The following MED13L variants were observed in gnomAD, a reference collection of about 807,000 sequenced individuals.
MED13L encodes mediator complex subunit 13L.
In MED13L, 7 loss-of-function variants were observed where a neutral mutation model predicts 220.9. That is an observed-to-expected ratio of 0.03 (90% CI 0.02 to 0.06). The LOEUF is 0.06. MED13L is among the 10% of genes least tolerant of loss of function. The pLI is 1.00. For synonymous variants in MED13L, 1,011 were observed against 1,015.2 expected, an observed-to-expected ratio of 1.00 and a Z score of 0.08; for missense variants, 1,965 against 2,760.5, an observed-to-expected ratio of 0.71 and a Z score of 6.46.
chr12:116,007,302 T>C, intron 11 of MED13L, 109 bp downstream of exon 11: 1 of 976,762 alleles, frequency 1.0e-6, no homozygotes, highest in Admixed American at 1.8e-5. Context: ...GACAGAGCAA[T>C]CAGGCAAGAC....
intron 3 of MED13L, among the ~76,000 whole-genome samples, chr12:116,106,951 G>A (rs1390276645): frequency 6.6e-6 from 1 of 151,986 alleles, no homozygotes; most frequent in Non-Finnish European, 1.5e-5. Flanking sequence ...ACTCTGAAAA[G>A]GTAATACCAA....
At chr12:116,250,025 T>TAAAAAA (rs71095516) in intron 1 of MED13L, among the ~76,000 whole-genome samples, 477 of 40,418 alleles carry the variant, frequency 0.012, 2 homozygotes, top group Middle Eastern at 0.031. Context: ...CAGCATAAAC[T>TAAAAAA]AAAAAAAAAA....
intron 2 of MED13L, among the ~76,000 whole-genome samples, chr12:116,147,895 A>T (rs894435921): frequency 2.0e-5 from 3 of 151,432 alleles, no homozygotes; most frequent in African/African-American, 7.3e-5. Flanking sequence ...TTTAACAAAA[A>T]AATTAGCCGG....
At chr12:116,225,615 G>A (rs1460084420) in intron 2 of MED13L, among the ~76,000 whole-genome samples, 1 of 152,148 alleles carries the variant, frequency 6.6e-6, no homozygotes, top group Non-Finnish European at 1.5e-5. Context: ...ATTTAACTGA[G>A]AGTATCGAAA....
At chr12:116,108,999 C>T (rs1873840226) in intron 3 of MED13L, among the ~76,000 whole-genome samples, 1 of 150,824 alleles carries the variant, frequency 6.6e-6, no homozygotes, top group Non-Finnish European at 1.5e-5. Context: ...TGAAATGAAG[C>T]CAAGGAATAA....
intron 3 of MED13L, among the ~76,000 whole-genome samples, chr12:116,106,419 G>A (rs530098877): frequency 2.2e-4 from 33 of 152,186 alleles, no homozygotes; most frequent in African/African-American, 7.0e-4. Context: ...CAGAGTTAAC[G>A]AAGAAATGAA....
intron 4 of MED13L, among the ~76,000 whole-genome samples, chr12:116,075,982 C>T (rs1394562366): frequency 6.7e-6 from 1 of 148,696 alleles, no homozygotes; most frequent in African/African-American, 2.5e-5. Flanking sequence ...GGCGCGATCT[C>T]GGCTCACTGC....
chr12:116,200,839 A>G (rs1173027474), intron 2 of MED13L, among the ~76,000 whole-genome samples: 1 of 152,236 alleles, frequency 6.6e-6, no homozygotes, highest in African/African-American at 2.4e-5. Flanking sequence ...AGAGAGGTAG[A>G]GAATATCATA....
intron 2 of MED13L, among the ~76,000 whole-genome samples, chr12:116,193,068 G>A (rs1381469545): frequency 6.6e-6 from 1 of 152,146 alleles, no homozygotes; most frequent in African/African-American, 2.4e-5. Flanking sequence ...GCGGAGGTTC[G>A]CAGTGAGCCG....
At chr12:116,147,406 T>C (rs1877615687) in intron 2 of MED13L, among the ~76,000 whole-genome samples, 1 of 152,224 alleles carries the variant, frequency 6.6e-6, no homozygotes, top group Non-Finnish European at 1.5e-5. Context: ...CCAGACAGTT[T>C]TATAGTATCA....
intron 4 of MED13L, among the ~76,000 whole-genome samples, chr12:116,072,455 T>C (rs961121295): frequency 3.3e-5 from 5 of 152,094 alleles, no homozygotes; most frequent in Non-Finnish European, 5.9e-5. Context: ...ATACAGTTTT[T>C]GTTTTTTGTT....
Position 115,991,176 on chromosome 12 carries a change from T to A in MED13L, c.3778A>T (p.Ser1260Cys). 1 of 1,614,130 alleles carries A rather than the reference T, an allele frequency of 6.2e-7. No individual in the cohort carries two copies. ...TTATCTGCTTGCACCCGGTCATAAC[T>A]CCAGCTTACACAGGGAAGAGTTTGG... The part of the protein sequence containing the change: ...NRQTLPCVSW[S>C]YDRVQADNND... Residue 1260 changes from serine to cysteine, a missense_variant, in exon 17 of 31, where the codon AGT (serine) becomes TGT (cysteine). By Grantham distance (112) the Ser-to-Cys change is moderately radical (BLOSUM62 -1). Coordinates refer to ENST00000281928, the MANE Select transcript of MED13L (RefSeq NM_015335.5). The surrounding 1 kb of genome is among the most constrained non-coding windows in gnomAD (Gnocchi z 7.7).
intron 2 of MED13L, among the ~76,000 whole-genome samples, chr12:116,217,751 C>A (rs1883088960): frequency 2.0e-5 from 3 of 152,082 alleles, no homozygotes; most frequent in Admixed American, 2.0e-4. Flanking sequence ...CAGTGAATGC[C>A]CAATACCTAA....
At chr12:116,120,442 C>CTT (rs1874951154) in intron 2 of MED13L, among the ~76,000 whole-genome samples, 1 of 64,502 alleles carries the variant, frequency 1.6e-5, no homozygotes, top group South Asian at 7.3e-4. Flanking sequence ...ATCTCTCTTT[C>CTT]TCTCTCTCTC....
intron 3 of MED13L, among the ~76,000 whole-genome samples, chr12:116,104,254 C>A (rs1267635959): frequency 6.6e-6 from 1 of 152,024 alleles, no homozygotes; most frequent in African/African-American, 2.4e-5. Context: ...AGGTGATCCA[C>A]CTGTCTCGGC....
intron 4 of MED13L, among the ~76,000 whole-genome samples, chr12:116,095,984 G>A (rs976810052): frequency 6.6e-6 from 1 of 151,842 alleles, no homozygotes; most frequent in East Asian, 1.9e-4. Flanking sequence ...TTCTTTAAGG[G>A]GCACCAATGA....
At chr12:116,117,332 C>G (rs903512598) in intron 2 of MED13L, among the ~76,000 whole-genome samples, 1 of 152,028 alleles carries the variant, frequency 6.6e-6, no homozygotes, top group Non-Finnish European at 1.5e-5. Flanking sequence ...AGGGGTGATG[C>G]CCCCCACTCT....
intron 2 of MED13L, among the ~76,000 whole-genome samples, chr12:116,147,721 G>A (rs1328480914): frequency 2.6e-5 from 4 of 151,898 alleles, no homozygotes; most frequent in East Asian, 1.9e-4. Context: ...CAAGAAGAAC[G>A]GTTGGGTATT....
Position 115,969,010 on chromosome 12 carries a change from T to G in MED13L, c.6155A>C (p.Asn2052Thr), listed in dbSNP as rs766487372. The change falls in exon 28 of 31, where the codon AAC becomes ACC. Residue 2052 changes from asparagine (N) to threonine (T), a missense_variant. Around this residue, in one of 10 missense-constraint regions of MED13L, gnomAD observed 145 missense variants for 328.3 expected, o/e 0.44. Coordinates refer to ENST00000281928, the MANE Select transcript of MED13L (RefSeq NM_015335.5). ...LMTGNLHSSPNSSPVPSPGSP... is the reference protein window; with the variant it reads ...LMTGNLHSSPTSSPVPSPGSP... ...GCCTGGGGAGGGTACTGGGGAAGAG[T>G]TGGGAGAGGAATGGAGGTTCCCAGT... 3 of 1,613,398 alleles carry G rather than the reference T, an allele frequency of 1.9e-6. No homozygotes were observed. Among genetic ancestry groups the G allele is most frequent in the African/African-American group, 1.3e-5 (1 of 74,700 alleles).
Sources: gnomAD v4.1 joint callset for allele counts (sites outside exome capture counted in the v4.1 genomes callset) on GRCh38, gnomAD v4.1.1 for gene constraint, gnomAD v4.1.1 regional missense constraint, Gnocchi (gnomAD v3.1) non-coding constraint, MANE v1.5 for transcripts, NCBI Gene and HGNC (gene_info 2026-07-23, HGNC 2026-07-21) for gene names.